Variants in SPPL2B observed in about 807,000 individuals in gnomAD.
SPPL2B encodes the protein signal peptide peptidase-like 2B.
Under a neutral mutation model 59.7 loss-of-function variants are expected in SPPL2B, and 39 were observed. The ratio of observed to expected loss-of-function variants is 0.65; its 90% CI spans 0.51 to 0.85. The LOEUF (loss-of-function observed/expected upper bound fraction) is 0.85, where lower values mean the gene tolerates loss of function less well. Among genes scored for constraint, SPPL2B ranks in the 40% least tolerant of loss-of-function variants. The probability of loss-of-function intolerance (pLI) is 0.00; values close to 1 mark genes in which losing one functional copy is unlikely to be tolerated. For missense variants in SPPL2B, 865 were observed against 849.0 expected (o/e 1.02, Z -0.23); for synonymous variants, 419 against 370.8 (o/e 1.13, Z -1.49).
In SPPL2B at chr19:2,340,151, G is replaced by T; in HGVS notation, c.818G>T (p.Arg273Leu). ...LYSCLAPCVR[R>L]LPFGKCRIPN... is the part of the protein sequence containing the mutation. The stretch of plus-strand genomic sequence containing the variant: ...AGCTGCCTGGCGCCCTGTGTGCGGC[G>T]GCTGCCCTTCGGCAAGTGCAGGTGA... Residue 273 changes from arginine to leucine, a missense_variant, in exon 7 of 15, where the codon CGG becomes CTG. Coordinates refer to ENST00000613503, the MANE Select transcript of SPPL2B (RefSeq NM_152988.3). 6.3e-7 allele frequency: 1 copy of T among 1,578,992 alleles called. No homozygotes were observed. Among genetic ancestry groups the T allele is most frequent in the Non-Finnish European group, 8.6e-7 (1 of 1,169,528 alleles).
In SPPL2B at chr19:2,353,658, G is replaced by C. The variant is rs941972558; in HGVS notation, c.*449G>C. 1 of 177,246 alleles carries C rather than the reference G, an allele frequency of 5.6e-6. No individual in the cohort carries two copies. The highest frequency in any genetic ancestry group is 2.4e-5 in the African/African-American group (1 of 41,760). The allele number at this position is 177,246 out of a possible 1,614,324, so 11.0% of individuals were successfully genotyped here. On this transcript the variant is annotated 3_prime_UTR_variant, in exon 15 of 15. Transcript: ENST00000613503. ...TGGAAGAGCAGCTTTCTGTCTCCCA[G>C]AAGGCATCGCTTTTCCCTCTTGAGC... is the stretch of plus-strand genomic sequence containing the variant.
chr19:2,345,172 C>T, intron 12 of SPPL2B, 81 bp from the exon 13 acceptor site: 2 of 1,225,176 alleles, frequency 1.6e-6, no homozygotes, highest in Non-Finnish European at 2.4e-6. Flanking sequence ...CACAGGTGCT[C>T]AGGTGCCCGC....
Position 2,343,226 on chromosome 19 carries a change from C to T in SPPL2B, c.972C>T (p.Leu324=). Reference sequence around the variant, plus strand: ...TGTCTTGCAGGTGGGCCTGGGTCCTCCAGGATGCCCTGGGCATCGCCTTCT... The same window carrying T: ...TGTCTTGCAGGTGGGCCTGGGTCCTTCAGGATGCCCTGGGCATCGCCTTCT... ...FRNEDQWAWV[L]QDALGIAFCL... Residue 324 remains leucine, a synonymous_variant, in exon 9 of 15, where the codon CTC becomes CTT. Coordinates refer to ENST00000613503, the MANE Select transcript of SPPL2B (RefSeq NM_152988.3). The T allele has an allele frequency of 6.4e-7, 1 of 1,555,142 alleles. No homozygotes were observed. The highest frequency in any genetic ancestry group is 8.7e-7 in the Non-Finnish European group (1 of 1,149,014).
intron 1 of SPPL2B, among the ~76,000 whole-genome samples, chr19:2,333,205 G>T: frequency 7.2e-6 from 1 of 138,016 alleles, no homozygotes; most frequent in Non-Finnish European, 1.6e-5. Flanking sequence ...GACTCTGCTG[G>T]GAGGGGAGCA....
chr19:2,337,661 CA>C (rs1568433937), intron 3 of SPPL2B, 36 bp downstream of exon 3: 4 of 1,507,826 alleles, frequency 2.7e-6, no homozygotes, highest in South Asian at 1.3e-5. Context: ...GGCCAGCTCT[CA>C]GGGGCAGGAG....
rs112612411 is a variant in SPPL2B, at chr19:2,339,579, C to T, written c.600-245C>T. 6.3e-3 allele frequency: 3,776 copies of T among 598,512 alleles called. 115 individuals carry two copies. The highest frequency in any genetic ancestry group is 0.063 in the African/African-American group (3,371 of 53,862). The allele number at this position is 598,512 out of a possible 1,614,324, so 37.1% of individuals were successfully genotyped here. On this transcript the variant is annotated intron_variant, in intron 5 of 14. Transcript: ENST00000613503. ...ATCCAAGCTGCGGTTGCTGCCCACACGCCAGCCTCTGGCCCGGCCTAGTGG... is the reference window on the plus strand; with the variant it reads ...ATCCAAGCTGCGGTTGCTGCCCACATGCCAGCCTCTGGCCCGGCCTAGTGG...
At chr19:2,346,116 T>G (rs939206825) in intron 13 of SPPL2B, among the ~76,000 whole-genome samples, 17 of 152,270 alleles carry the variant, frequency 1.1e-4, no homozygotes, top group African/African-American at 4.1e-4. Context: ...CACATTGTTT[T>G]GAAAAATGTC....
At chr19:2,331,030 G>A (rs1322428017) in intron 1 of SPPL2B, among the ~76,000 whole-genome samples, 1 of 152,206 alleles carries the variant, frequency 6.6e-6, no homozygotes, top group Non-Finnish European at 1.5e-5. Context: ...AGCCTGGTTG[G>A]TGACAGTCCT....
intron 8 of SPPL2B, chr19:2,342,749 C>G (rs1422107517): frequency 5.5e-6 from 1 of 181,888 alleles, no homozygotes; most frequent in Non-Finnish European, 1.2e-5. Context: ...TGACCCCTGC[C>G]TACAGCGTGA....
At chr19:2,348,240 T>C (rs539596893) in intron 13 of SPPL2B, among the ~76,000 whole-genome samples, 17 of 97,330 alleles carry the variant, frequency 1.7e-4, no homozygotes, top group African/African-American at 5.3e-4. Flanking sequence ...CCTGATTCCG[T>C]TCTCTCTCCA....
intron 13 of SPPL2B, among the ~76,000 whole-genome samples, chr19:2,348,295 C>CCA (rs1316989884): frequency 8.6e-6 from 1 of 116,724 alleles, no homozygotes; most frequent in African/African-American, 3.3e-5. Flanking sequence ...TTCTCTCCCT[C>CCA]CACACACACA....
At chr19:2,335,396 T>C (rs11673602) in intron 2 of SPPL2B, among the ~76,000 whole-genome samples, 1,261 of 67,264 alleles carry the variant, frequency 0.019, 204 homozygotes, top group African/African-American at 0.078. Flanking sequence ...GGCCCCGCCT[T>C]CTTTCCCACT....
chr19:2,350,835 C>T (rs1969887130), intron 13 of SPPL2B, among the ~76,000 whole-genome samples: 1 of 152,244 alleles, frequency 6.6e-6, no homozygotes, highest in Non-Finnish European at 1.5e-5. Context: ...GCAGCCCTCC[C>T]CTGCGGGTGC....
rs1263484368 is a variant in SPPL2B at position 2,344,392 on chromosome 19, A to T, written c.1144A>T (p.Thr382Ser). 7.4e-7 allele frequency: 1 copy of T among 1,353,516 alleles called. No individual in the cohort carries two copies. Among genetic ancestry groups the T allele is most frequent in the Non-Finnish European group, 9.7e-7 (1 of 1,025,904 alleles). The allele number at this position is 1,353,516 out of a possible 1,614,324, so 83.8% of individuals were successfully genotyped here. Residue 382 changes from threonine (T) to serine (S), a missense_variant, in exon 11 of 15, where the codon ACT (threonine) becomes TCT (serine). Physicochemically the swap from Thr to Ser is moderately conservative, Grantham distance 58 (BLOSUM62 1). Transcript: ENST00000613503. ...GAGCAGCATCATGGTGGAGGTGGCC[A>T]CTGGGCCCTCGGACTCAGCCACCCG... ...SGSSIMVEVA[T>S]GPSDSATREK...
At chr19:2,340,225 C>A in intron 7 of SPPL2B, 53 bp downstream of exon 7, 1 of 1,390,322 alleles carries the variant, frequency 7.2e-7, no homozygotes, top group East Asian at 2.5e-5. Context: ...GTGATGGCCA[C>A]GGCCCCTTTG....
chr19:2,348,861 G>A (rs1274859074), intron 13 of SPPL2B, among the ~76,000 whole-genome samples: 17 of 131,492 alleles, frequency 1.3e-4, no homozygotes, highest in African/African-American at 1.5e-4. Context: ...ACACTCACGC[G>A]CTGTCATTCG....
In SPPL2B at chr19:2,332,099, C is replaced by T. The variant is rs750421688; in HGVS notation, c.67-2503C>T. 6.6e-6 allele frequency among the ~76,000 whole-genome samples: 1 copy of T among 152,228 alleles called. No homozygotes were observed. The highest frequency in any genetic ancestry group is 6.5e-5 in the Admixed American group (1 of 15,286). On this transcript the variant is annotated intron_variant, in intron 1 of 14. Coordinates refer to ENST00000613503, the MANE Select transcript of SPPL2B (RefSeq NM_152988.3). The surrounding 1 kb of genome is among the most constrained non-coding windows in gnomAD (Gnocchi z 4.6). ...GGAAAGAAAGGGCTCCTGACTCTGC[C>T]TGGGCTCTGGGGGAGGTCACATGGG...
chr19:2,334,463 G>A, intron 1 of SPPL2B, 139 bp from the exon 2 acceptor site: 1 of 1,165,516 alleles, frequency 8.6e-7, no homozygotes, highest in South Asian at 1.6e-5. Flanking sequence ...CTGTCGAGAG[G>A]GGGAAGCATC....
At chr19:2,349,312 C>CACTT in intron 13 of SPPL2B, among the ~76,000 whole-genome samples, 1 of 128,168 alleles carries the variant, frequency 7.8e-6, no homozygotes, top group African/African-American at 3.1e-5. Context: ...TCCACACACA[C>CACTT]GCGCTCTCAT....
Sources: gnomAD v4.1 joint callset for allele counts (sites outside exome capture counted in the v4.1 genomes callset) on GRCh38, gnomAD v4.1.1 for gene constraint, Gnocchi (gnomAD v3.1) non-coding constraint, MANE v1.5 for transcripts, NCBI Gene and HGNC (gene_info 2026-07-23, HGNC 2026-07-21) for gene names.